The following ATP1B1 variants were observed in gnomAD, a reference collection of about 807,000 sequenced individuals.
The protein encoded by ATP1B1 is sodium/potassium-transporting ATPase subunit beta-1.
A neutral mutation model predicts 39.6 loss-of-function variants in ATP1B1; 3 were observed. The ratio of observed to expected loss-of-function variants is 0.08; its 90% CI spans 0.03 to 0.20. The LOEUF (loss-of-function observed/expected upper bound fraction) is 0.20. ATP1B1 is among the 10% of genes least tolerant of loss of function. The probability of loss-of-function intolerance (pLI) is 1.00; values close to 1 mark genes in which losing one functional copy is unlikely to be tolerated. For missense variants in ATP1B1, 216 were observed against 371.1 expected, an observed-to-expected ratio of 0.58 and a Z score of 3.43; for synonymous variants, 139 against 135.0, an observed-to-expected ratio of 1.03 and a Z score of -0.20.
intron 1 of ATP1B1, among the ~76,000 whole-genome samples, chr1:169,110,037 T>C (rs1230097718): frequency 6.6e-6 from 1 of 152,112 alleles, no homozygotes; most frequent in Non-Finnish European, 1.5e-5. Context: ...TTTACTTCTG[T>C]CTTTGCTTTT....
intron 2 of ATP1B1, among the ~76,000 whole-genome samples, chr1:169,116,851 A>G (rs1657858200): frequency 7.0e-6 from 1 of 143,230 alleles, no homozygotes; most frequent in African/African-American, 2.5e-5. Flanking sequence ...GACTCCATCT[A>G]AAAAAAAAAA....
At chr1:169,124,579 C>T (rs1658050296) in intron 2 of ATP1B1, among the ~76,000 whole-genome samples, 1 of 152,186 alleles carries the variant, frequency 6.6e-6, no homozygotes, top group African/African-American at 2.4e-5. Flanking sequence ...CTACCACTTT[C>T]TGTGCAGCCT....
At chr1:169,110,181 G>A (rs1358714) in intron 1 of ATP1B1, among the ~76,000 whole-genome samples, 74,800 of 151,758 alleles carry the variant, frequency 0.49, 19,566 homozygotes, top group East Asian at 0.87. Flanking sequence ...TGATAGGAAA[G>A]TTGGGCTTTT....
intron 2 of ATP1B1, among the ~76,000 whole-genome samples, chr1:169,122,189 G>T (rs1309742472): frequency 6.6e-6 from 1 of 152,080 alleles, no homozygotes; most frequent in Non-Finnish European, 1.5e-5. Context: ...TCTTCGGGTG[G>T]CCCCTCAGCA....
rs1164139235 is a variant in ATP1B1, at chr1:169,111,414, G to A, written c.142G>A (p.Gly48Ser). ...CGTAATATTTTATGGCTGCCTGGCT[G>A]GCATCTTCATCGGAACCATCCAAGT... The part of the protein sequence containing the change: ...FYVIFYGCLA[G>S]IFIGTIQVML... Residue 48 changes from glycine (G) to serine (S), a missense_variant, in exon 2 of 6, where the codon GGC becomes AGC. Coordinates refer to ENST00000367815, the MANE Select transcript of ATP1B1 (RefSeq NM_001677.4). 4 of 1,614,042 alleles carry A rather than the reference G, an allele frequency of 2.5e-6. No homozygotes were observed. Among genetic ancestry groups the A allele is most frequent in the Non-Finnish European group, 2.5e-6 (3 of 1,180,034 alleles).
chr1:169,110,556 ATG>A (rs1231304057), intron 1 of ATP1B1: 14 of 946,998 alleles, frequency 1.5e-5, no homozygotes, highest in African/African-American at 2.1e-5. Context: ...ATTCCCATCT[ATG>A]TGTTGAGTCT....
chr1:169,127,890 A>G (rs1658122663), intron 4 of ATP1B1, among the ~76,000 whole-genome samples: 3 of 152,204 alleles, frequency 2.0e-5, no homozygotes, highest in African/African-American at 7.2e-5. Flanking sequence ...AAAAAAATTG[A>G]TAATCTGAAA....
chr1:169,113,448 A>T (rs1428448920), intron 2 of ATP1B1, among the ~76,000 whole-genome samples: 2 of 143,656 alleles, frequency 1.4e-5, no homozygotes, highest in African/African-American at 5.4e-5. Context: ...TTCCTAGATT[A>T]AAAAAAAAAA....
At position 169,132,716 on chromosome 1, in the gene ATP1B1, C is replaced by T. The variant is rs992605441; in HGVS notation, c.*1161C>T. The T allele has an allele frequency of 7.0e-6, 10 of 1,423,306 alleles. No homozygotes were observed. The highest frequency in any genetic ancestry group is 8.9e-6 in the Non-Finnish European group (9 of 1,014,980). The allele number at this position is 1,423,306 out of a possible 1,614,324, so 88.2% of individuals were successfully genotyped here. A position where few individuals can be genotyped will look rare whatever the true frequency, so the allele number is the denominator to read the frequency against. On this transcript the variant is annotated 3_prime_UTR_variant, in exon 6 of 6. Coordinates refer to ENST00000367815, the MANE Select transcript of ATP1B1 (RefSeq NM_001677.4). ...AAACAACGGACAATAAAAGAATGAA[C>T]ACATTCCTCGTGTGTGATTCACTCT...
At chr1:169,107,548 C>T (rs1004064203) in intron 1 of ATP1B1, among the ~76,000 whole-genome samples, 1 of 152,124 alleles carries the variant, frequency 6.6e-6, no homozygotes, top group Non-Finnish European at 1.5e-5. Flanking sequence ...CGATTCTTAG[C>T]TTTGGCCCGA....
rs1324143736 is a variant in ATP1B1 at position 169,132,590 on chromosome 1, C to CTGGTGTTA, written c.*1036_*1043dup. The CTGGTGTTA allele has an allele frequency of 2.0e-6, 1 of 509,500 alleles. No homozygotes were observed. The highest frequency in any genetic ancestry group is 2.0e-5 in the African/African-American group (1 of 50,184). The allele number at this position is 509,500 out of a possible 1,614,324, so 31.6% of individuals were successfully genotyped here. The stretch of plus-strand genomic sequence containing the variant: ...AAAAAGCAATGCAGTACCCCATAGA[C>CTGGTGTTA]TGGTGTTAAATGTTGTCTACAGTGC... On this transcript the variant is annotated 3_prime_UTR_variant, in exon 6 of 6. Coordinates refer to ENST00000367815, the MANE Select transcript of ATP1B1 (RefSeq NM_001677.4).
At chr1:169,122,746 ATTTT>A (rs753882699) in intron 2 of ATP1B1, among the ~76,000 whole-genome samples, 1,902 of 82,400 alleles carry the variant, frequency 0.023, 62 homozygotes, top group African/African-American at 0.078. Flanking sequence ...TTTCAGGATG[ATTTT>A]TTTTTTTTTT....
chr1:169,111,563 G>A, intron 2 of ATP1B1, 65 bp downstream of exon 2: 2 of 1,558,916 alleles, frequency 1.3e-6, no homozygotes, highest in Non-Finnish European at 1.7e-6. Flanking sequence ...TTTCTATTGA[G>A]AAAAAATTCT....
At chr1:169,117,667 T>C (rs1657880843) in intron 2 of ATP1B1, among the ~76,000 whole-genome samples, 2 of 152,196 alleles carry the variant, frequency 1.3e-5, no homozygotes, top group Admixed American at 1.3e-4. Flanking sequence ...GAAAGAGCAG[T>C]AGCCTGACAG....
At chr1:169,122,766 T>TA (rs1658005835) in intron 2 of ATP1B1, among the ~76,000 whole-genome samples, 1 of 129,416 alleles carries the variant, frequency 7.7e-6, no homozygotes, top group South Asian at 2.5e-4. Context: ...TTTTTTTTTT[T>TA]TTTTAATTGC....
chr1:169,113,049 A>T (rs1196274242), intron 2 of ATP1B1, among the ~76,000 whole-genome samples: 3 of 150,876 alleles, frequency 2.0e-5, no homozygotes, highest in Non-Finnish European at 4.4e-5. Context: ...TTATTCTTCC[A>T]TCATGATGTG....
At chr1:169,108,946 A>G (rs1657667468) in intron 1 of ATP1B1, among the ~76,000 whole-genome samples, 1 of 152,222 alleles carries the variant, frequency 6.6e-6, no homozygotes, top group South Asian at 2.1e-4. Flanking sequence ...GGCAGCAATT[A>G]CCGTCTCCTA....
At position 169,123,892 on chromosome 1, in the gene ATP1B1, G is replaced by A. The variant is rs141667308; in HGVS notation, c.227-992G>A. Among the ~76,000 whole-genome samples, 10 of 152,280 alleles carry A rather than the reference G, an allele frequency of 6.6e-5. No individual in the cohort carries two copies. The East Asian group carries it at 1.9e-3, about 29-fold the overall frequency. Reference sequence around the variant, plus strand: ...TCCACCCATCTTGGCCTCCCAAAGTGTTGGGATTATAGGCGTGAGCCACCA... The same window carrying A: ...TCCACCCATCTTGGCCTCCCAAAGTATTGGGATTATAGGCGTGAGCCACCA... On this transcript the variant is annotated intron_variant, in intron 2 of 5. Transcript: ENST00000367815.
At chr1:169,110,954 G>C (rs946943405) in intron 1 of ATP1B1, among the ~76,000 whole-genome samples, 2 of 152,156 alleles carry the variant, frequency 1.3e-5, no homozygotes, top group Admixed American at 6.5e-5. Flanking sequence ...TGCAAGCAAA[G>C]AAAACATAGG....
Sources: allele counts gnomAD v4.1 joint callset (sites outside exome capture counted in the v4.1 genomes callset), GRCh38; gene constraint gnomAD v4.1.1; transcripts MANE v1.5; gene names NCBI Gene and HGNC (gene_info 2026-07-23, HGNC 2026-07-21).